The following CNTNAP2 variants were observed in gnomAD, a reference collection of about 807,000 sequenced individuals.
CNTNAP2 encodes contactin-associated protein-like 2.
Under a neutral mutation model 155.2 loss-of-function variants are expected in CNTNAP2, and 98 were observed. The observed-to-expected ratio is 0.63, with a 90% CI of 0.54 to 0.75. The LOEUF (loss-of-function observed/expected upper bound fraction) is 0.75, where lower values mean the gene tolerates loss of function less well. Ranked by LOEUF, CNTNAP2 falls within the 30% of genes least tolerant of loss-of-function variation. CNTNAP2 has a pLI of 0.00. For synonymous variants in CNTNAP2, 651 were observed against 631.2 expected, an observed-to-expected ratio of 1.03 and a Z score of -0.47; for missense variants, 1,727 against 1,688.1, an observed-to-expected ratio of 1.02 and a Z score of -0.40.
chr7:146,809,988 C>A (rs1217450814), intron 2 of CNTNAP2, among the ~76,000 whole-genome samples: 1 of 152,172 alleles, frequency 6.6e-6, no homozygotes, highest in African/African-American at 2.4e-5. Flanking sequence ...TCAGCTCTTA[C>A]ATTTAAGTCT....
chr7:146,117,745 A>C (rs942304491), intron 1 of CNTNAP2, among the ~76,000 whole-genome samples: 2 of 152,030 alleles, frequency 1.3e-5, no homozygotes, highest in Non-Finnish European at 2.9e-5. Context: ...TGTTTTCATG[A>C]GGTTTAGAAA....
intron 11 of CNTNAP2, among the ~76,000 whole-genome samples, chr7:147,498,517 T>C (rs1414220847): frequency 6.6e-6 from 1 of 152,184 alleles, no homozygotes; most frequent in African/African-American, 2.4e-5. Context: ...AACACGTATT[T>C]TAGAAGTAAA....
At chr7:146,257,202 A>G (rs1442536072) in intron 1 of CNTNAP2, among the ~76,000 whole-genome samples, 1 of 152,170 alleles carries the variant, frequency 6.6e-6, no homozygotes, top group African/African-American at 2.4e-5. Flanking sequence ...TAATTTCATG[A>G]ATATAAAGGG....
At chr7:146,310,403 T>C (rs1181415634) in intron 1 of CNTNAP2, among the ~76,000 whole-genome samples, 1 of 152,208 alleles carries the variant, frequency 6.6e-6, no homozygotes, top group Non-Finnish European at 1.5e-5. Context: ...CTCAGTTGTT[T>C]TTAAAAGCCA....
chr7:148,224,186 A>G (rs1339079533), intron 19 of CNTNAP2, among the ~76,000 whole-genome samples: 2 of 152,252 alleles, frequency 1.3e-5, no homozygotes, highest in South Asian at 2.1e-4. Flanking sequence ...CTGGGATGAT[A>G]TGATGTCAGA....
rs113603719 is a variant in CNTNAP2, at chr7:146,166,599, G to A, written c.97+49626G>A. The stretch of plus-strand genomic sequence containing the variant: ...AATTTTCTAATGTAGCAATATACAC[G>A]GTTGCATACTAGTTATTAATCACTA... On this transcript the variant is annotated intron_variant, in intron 1 of 23. Transcript: ENST00000361727. Among the ~76,000 whole-genome samples, 1,392 of 152,036 alleles carry A rather than the reference G, an allele frequency of 9.2e-3. 27 individuals carry two copies. Among genetic ancestry groups the A allele is most frequent in the South Asian group, 0.078 (376 of 4,812 alleles).
chr7:147,236,055 A>G (rs1039595670), intron 8 of CNTNAP2, among the ~76,000 whole-genome samples: 3 of 152,160 alleles, frequency 2.0e-5, no homozygotes, highest in African/African-American at 7.2e-5. Context: ...TGTCTTTGAT[A>G]TACTTATTTA....
rs572887836 is a variant in CNTNAP2, at chr7:146,965,824, C to G, written c.403-78083C>G. On this transcript the variant is annotated intron_variant, in intron 3 of 23. Transcript: ENST00000361727. The stretch of plus-strand genomic sequence containing the variant: ...AAACAGGTATGTGAGGGGTCGCACA[C>G]TTTTGAGTACAACAGGTGTCATTTG... 3.2e-4 allele frequency among the ~76,000 whole-genome samples: 48 copies of G among 152,280 alleles called. No homozygotes were observed. In the East Asian group the frequency reaches 5.0e-3, roughly 16 times the overall value.
At chr7:146,521,828 G>T (rs1233259599) in intron 1 of CNTNAP2, among the ~76,000 whole-genome samples, 2 of 151,656 alleles carry the variant, frequency 1.3e-5, no homozygotes, top group African/African-American at 2.4e-5. Flanking sequence ...CCAAATCCTG[G>T]GCTGGTTAAG....
At chr7:146,312,951 T>A (rs145515397) in intron 1 of CNTNAP2, among the ~76,000 whole-genome samples, 1 of 152,224 alleles carries the variant, frequency 6.6e-6, no homozygotes, top group Non-Finnish European at 1.5e-5. Flanking sequence ...TCTGTATGCA[T>A]TCATCTGTTC....
chr7:147,121,082 G>A lies in CNTNAP2; in HGVS notation c.858G>A (p.Arg286=). ...WHSVVIERQG[R]SINLTLDRSM... ...CTGTGGTCATTGAGCGCCAGGGGCGGAGCATTAACCTCACTCTGGACAGGA... is the reference window on the plus strand; with the variant it reads ...CTGTGGTCATTGAGCGCCAGGGGCGAAGCATTAACCTCACTCTGGACAGGA... Residue 286 remains arginine, a synonymous_variant, in exon 6 of 24, where the codon CGG becomes CGA. Transcript: ENST00000361727. The A allele has an allele frequency of 6.2e-7, 1 of 1,614,114 alleles. No individual in the cohort carries two copies. Among genetic ancestry groups the A allele is most frequent in the Non-Finnish European group, 8.5e-7 (1 of 1,180,030 alleles).
intron 1 of CNTNAP2, among the ~76,000 whole-genome samples, chr7:146,641,804 C>A (rs1030783137): frequency 6.6e-6 from 1 of 152,144 alleles, no homozygotes; most frequent in African/African-American, 2.4e-5. Flanking sequence ...AGATTCAGAA[C>A]AGATGAATAT....
chr7:148,106,493 G>GAGAGAGATAGATATAT (rs1554472856), intron 15 of CNTNAP2, among the ~76,000 whole-genome samples: 83 of 124,908 alleles, frequency 6.6e-4, no homozygotes, highest in African/African-American at 2.8e-3. Flanking sequence ...CACACTTTGA[G>GAGAGAGATAGATATAT]ATATATATAT....
At chr7:146,628,946 A>C (rs1799465797) in intron 1 of CNTNAP2, among the ~76,000 whole-genome samples, 1 of 152,186 alleles carries the variant, frequency 6.6e-6, no homozygotes, top group South Asian at 2.1e-4. Context: ...GTAAAGAAGT[A>C]AGCATGTAAA....
chr7:146,265,780 G>C (rs1799985432), intron 1 of CNTNAP2, among the ~76,000 whole-genome samples: 1 of 152,058 alleles, frequency 6.6e-6, no homozygotes, highest in African/African-American at 2.4e-5. Context: ...TTCAAATGTA[G>C]AATACTGAAT....
chr7:146,825,969 C>A (rs188606006), intron 2 of CNTNAP2, among the ~76,000 whole-genome samples: 75 of 152,168 alleles, frequency 4.9e-4, no homozygotes, highest in African/African-American at 1.7e-3. Flanking sequence ...ACATTATTGC[C>A]TGTTTAATAA....
intron 3 of CNTNAP2, among the ~76,000 whole-genome samples, chr7:146,929,706 A>C (rs1320611300): frequency 6.6e-6 from 1 of 152,200 alleles, no homozygotes; most frequent in East Asian, 1.9e-4. Flanking sequence ...ATTTAGACAA[A>C]AGTATAACTA....
chr7:147,837,023 C>G lies in CNTNAP2; in HGVS notation c.2099-66542C>G, dbSNP rs576627844. ...AGGGACTCAAACCTGTTACATTTCACCATGCCATCCGAGTTCATGGATAGG... is the reference window on the plus strand; with the variant it reads ...AGGGACTCAAACCTGTTACATTTCAGCATGCCATCCGAGTTCATGGATAGG... On this transcript the variant is annotated intron_variant, in intron 13 of 23. Transcript: ENST00000361727. 2.6e-5 allele frequency among the ~76,000 whole-genome samples: 4 copies of G among 152,274 alleles called. No individual in the cohort carries two copies. In the South Asian group the frequency reaches 8.3e-4, roughly 32 times the overall value.
intron 10 of CNTNAP2, among the ~76,000 whole-genome samples, chr7:147,483,292 G>T (rs1005243753): frequency 1.3e-5 from 2 of 152,192 alleles, no homozygotes; most frequent in East Asian, 3.9e-4. Context: ...GCTGTGCATA[G>T]GTTATATGCA....
Sources: gnomAD v4.1 joint callset for allele counts (sites outside exome capture counted in the v4.1 genomes callset) on GRCh38, gnomAD v4.1.1 for gene constraint, MANE v1.5 for transcripts, NCBI Gene and HGNC (gene_info 2026-07-23, HGNC 2026-07-21) for gene names.